Variants in MCM4 observed in about 807,000 individuals in gnomAD.
The protein encoded by MCM4 is DNA replication licensing factor MCM4.
In MCM4, 60 loss-of-function variants were observed where a neutral mutation model predicts 88.7. That is an observed-to-expected ratio of 0.68 (90% CI 0.55 to 0.84). The LOEUF is 0.84. Among genes scored for constraint, MCM4 ranks in the 40% least tolerant of loss-of-function variants. The pLI is 0.00. For synonymous variants in MCM4, 465 were observed against 410.5 expected (o/e 1.13, Z -1.61); for missense variants, 1,149 against 1,105.5 (o/e 1.04, Z -0.56).
In MCM4 at chr8:47,977,450, C is replaced by CATTTG; in HGVS notation, c.*674_*675insTTGAT. ...GTATGCTTATGGATTTGATGACAGG[C>CATTTG]ATAGCCTGGGCATATCACCTCATTG... is the stretch of plus-strand genomic sequence containing the variant. On this transcript the variant is annotated 3_prime_UTR_variant, in exon 17 of 17. Coordinates refer to ENST00000649973, the MANE Select transcript of MCM4 (RefSeq NM_182746.3). 1 of 152,340 alleles carries CATTTG rather than the reference C, an allele frequency of 6.6e-6. No homozygotes were observed. Among genetic ancestry groups the CATTTG allele is most frequent in the Admixed American group, 6.5e-5 (1 of 15,276 alleles). The allele number at this position is 152,340 out of a possible 1,614,324, so 9.4% of individuals were successfully genotyped here. A position where few individuals can be genotyped will look rare whatever the true frequency, so the allele number is the denominator to read the frequency against.
chr8:47,963,141 C>T (rs1470669521), intron 7 of MCM4, 101 bp downstream of exon 7: 9 of 700,260 alleles, frequency 1.3e-5, no homozygotes, highest in Non-Finnish European at 1.9e-5. Context: ...TATGCGCAAA[C>T]ACTTTAAGAA....
At position 47,964,655 on chromosome 8, in the gene MCM4, C is replaced by A; in HGVS notation, c.775C>A (p.Gln259Lys). ...TGACTCAATCTTAGAACATCAGATT[C>A]AAGTAAGACCATTCAACGCATTGAA... ...YPDSILEHQI[Q>K]VRPFNALKTK... is the part of the protein sequence containing the mutation. Residue 259 changes from glutamine (Q) to lysine (K), a missense_variant, in exon 8 of 17, where the codon CAA (glutamine) becomes AAA (lysine). By Grantham distance (53) the Gln-to-Lys change is moderately conservative. This residue lies in a region of MCM4 where 906 missense variants were observed against 843.0 expected (regional missense o/e 1.07). Coordinates refer to ENST00000649973, the MANE Select transcript of MCM4 (RefSeq NM_182746.3). 6.2e-7 allele frequency: 1 copy of A among 1,605,760 alleles called. No homozygotes were observed. The highest frequency in any genetic ancestry group is 8.5e-7 in the Non-Finnish European group (1 of 1,177,470).
rs1399024384 is a variant in MCM4 at position 47,962,963 on chromosome 8, C to T, written c.616C>T (p.Pro206Ser). 5 of 1,601,996 alleles carry T rather than the reference C, an allele frequency of 3.1e-6. No homozygotes were observed. The African/African-American group carries it at 4.0e-5, about 13-fold the overall frequency. ...TTTCTAGATTAATGTTATTGGTGAG[C>T]CATTTTTAAATGTGAACTGTGAACA... is the stretch of plus-strand genomic sequence containing the variant. ...RLGEINVIGE[P>S]FLNVNCEHIK... Residue 206 changes from proline (P) to serine (S), a missense_variant, in exon 7 of 17, where the codon CCA (proline) becomes TCA (serine). By Grantham distance (74) the Pro-to-Ser change is moderately conservative. Around this residue, in one of 3 missense-constraint regions of MCM4, gnomAD observed 906 missense variants for 843.0 expected, o/e 1.07. Transcript: ENST00000649973.
chr8:47,962,227 A>C lies in MCM4; in HGVS notation c.399+11A>C, dbSNP rs755474046. On this transcript the variant is annotated intron_variant, in intron 4 of 16. Transcript: ENST00000649973. ...CTGCAGTCTGACGGGGTGAGTATGC[A>C]GTCTCCTGAAACCATCTTATGGCGG... 6.8e-6 allele frequency: 11 copies of C among 1,614,174 alleles called. No homozygotes were observed. The highest frequency in any genetic ancestry group is 1.6e-4 in the Middle Eastern group (1 of 6,062).
At position 47,978,010 on chromosome 8, in the gene MCM4, A is replaced by G. The variant is rs2091015916; in HGVS notation, c.*1232A>G. 2 of 152,210 alleles carry G rather than the reference A, an allele frequency of 1.3e-5. No individual in the cohort carries two copies. The highest frequency in any genetic ancestry group is 4.8e-5 in the African/African-American group (2 of 41,456). 9.4% of individuals were successfully genotyped at this position (152,210 alleles called of 1,614,324 possible). ...TTTATGGAAATTTGTAGGGGTAAGT[A>G]TTTTATAGGTCATAAAAAACACCAT... On this transcript the variant is annotated 3_prime_UTR_variant, in exon 17 of 17. Coordinates refer to ENST00000649973, the MANE Select transcript of MCM4 (RefSeq NM_182746.3).
intron 14 of MCM4, 26 bp from the exon 15 acceptor site, chr8:47,974,708 T>C (rs754382936): frequency 6.3e-7 from 1 of 1,590,270 alleles, no homozygotes; most frequent in Non-Finnish European, 8.6e-7. Context: ...GGTTTGCTTT[T>C]GCTTTTGTTT....
chr8:47,961,130 G>T lies in MCM4; in HGVS notation c.-14-1G>T, dbSNP rs760934199. The T allele has an allele frequency of 1.9e-6, 3 of 1,551,660 alleles. No individual in the cohort carries two copies. The highest frequency in any genetic ancestry group is 2.6e-6 in the Non-Finnish European group (3 of 1,158,830). The stretch of plus-strand genomic sequence containing the variant: ...GGCCCGAGCTTGTCCTTGTCGCGCA[G>T]GTACTCCGAGCACTATGTCGTCCCC... On this transcript the variant is annotated splice_acceptor_variant, in intron 1 of 16. Coordinates refer to ENST00000649973, the MANE Select transcript of MCM4 (RefSeq NM_182746.3). LOFTEE classifies it low-confidence loss of function (5UTR_SPLICE).
chr8:47,964,840 G>A, intron 8 of MCM4, 128 bp downstream of exon 8: 1 of 726,474 alleles, frequency 1.4e-6, no homozygotes, highest in Non-Finnish European at 2.2e-6. Context: ...ATTATAAATT[G>A]ACAATAATAT....
Position 47,971,270 on chromosome 8 carries a change from C to G in MCM4, c.1801-71C>G, listed in dbSNP as rs541647308. The G allele has an allele frequency of 6.0e-5, 95 of 1,582,904 alleles. No homozygotes were observed. In the South Asian group the frequency reaches 1.0e-3, roughly 17 times the overall value. On this transcript the variant is annotated intron_variant, in intron 12 of 16. Transcript: ENST00000649973. ...AGGGAATATGGGTTTAGTAGGTGGC[C>G]GGGCGAAGACGGTGCTTGTTAATTG...
chr8:47,966,891 T>A (rs1020536335), intron 9 of MCM4, among the ~76,000 whole-genome samples: 2 of 152,238 alleles, frequency 1.3e-5, no homozygotes, highest in Non-Finnish European at 2.9e-5. Context: ...ACTGTAAAGA[T>A]GTGGGAGGAC....
intron 1 of MCM4, 45 bp downstream of exon 1, chr8:47,961,059 A>G: frequency 7.2e-7 from 1 of 1,387,246 alleles, no homozygotes; most frequent in Non-Finnish European, 9.5e-7. Flanking sequence ...AGCCGACGGG[A>G]ACGTCCGCGC....
intron 12 of MCM4, 56 bp downstream of exon 12, chr8:47,970,932 A>G: frequency 5.2e-6 from 8 of 1,526,702 alleles, no homozygotes; most frequent in Non-Finnish European, 7.0e-6. Flanking sequence ...TGGACCCTTG[A>G]AAGACAGGGT....
At chr8:47,961,110 G>A in intron 1 of MCM4, 21 bp from the exon 2 acceptor site, 4 of 1,534,812 alleles carry the variant, frequency 2.6e-6, no homozygotes, top group Non-Finnish European at 2.6e-6. Flanking sequence ...GGCCCGGCCC[G>A]AGCTTGTCCT....
chr8:47,969,105 A>C (rs2090927452), intron 10 of MCM4: 1 of 152,452 alleles, frequency 6.6e-6, no homozygotes, highest in Admixed American at 6.5e-5. Context: ...TTTCACCCTC[A>C]GGGTGACTGT....
chr8:47,973,494 C>CTT (rs1241184472), intron 14 of MCM4, among the ~76,000 whole-genome samples: 5 of 141,888 alleles, frequency 3.5e-5, no homozygotes, highest in East Asian at 2.1e-4. Context: ...ATAAACTTTT[C>CTT]TTTTTTTTTT....
rs1298515030 is a variant in MCM4 at position 47,973,073 on chromosome 8, G to A, written c.2136+9G>A. The A allele has an allele frequency of 2.5e-6, 4 of 1,609,966 alleles. No homozygotes were observed. Among genetic ancestry groups the A allele is most frequent in the Non-Finnish European group, 3.4e-6 (4 of 1,178,930 alleles). On this transcript the variant is annotated intron_variant, in intron 14 of 16. Coordinates refer to ENST00000649973, the MANE Select transcript of MCM4 (RefSeq NM_182746.3). ...GCCAGGCTCTCATCGAGGTAACCCT[G>A]CTGAAAAAAGGCTTACTGTGCCTGT...
chr8:47,972,254 A>C, intron 13 of MCM4, among the ~76,000 whole-genome samples: 1 of 151,854 alleles, frequency 6.6e-6, no homozygotes, highest in Non-Finnish European at 1.5e-5. Flanking sequence ...AAAAAAAAAA[A>C]AAACTTTCCA....
rs1283586424 is a variant in MCM4, at chr8:47,961,590, C to A, written c.145C>A (p.Gln49Lys). ...GEDSTSTGEL[Q>K]PMPTSPGVDL... ...GGATTCCACCTCCACGGGGGAGTTG[C>A]AGCCGATGCCAACCTCGCCTGGAGT... The change falls in exon 3 of 17, where the codon CAG becomes AAG. Residue 49 changes from glutamine (Q) to lysine (K), a missense_variant. Around this residue, in one of 3 missense-constraint regions of MCM4, gnomAD observed 906 missense variants for 843.0 expected, o/e 1.07. Transcript: ENST00000649973. 10 of 1,614,036 alleles carry A rather than the reference C, an allele frequency of 6.2e-6. No homozygotes were observed. The African/African-American group carries it at 1.1e-4, about 17-fold the overall frequency.
At position 47,960,974 on chromosome 8, in the gene MCM4, G is replaced by A. The variant is rs1036773435; in HGVS notation, c.-55G>A. ...GGAGCGCTACTCGCCAGGTGGACTC[G>A]GAGTCCGCGAGCGTCGTCGGCAAGC... On this transcript the variant is annotated 5_prime_UTR_variant, in exon 1 of 17. Transcript: ENST00000649973. The A allele has an allele frequency of 3.2e-6, 2 of 631,398 alleles. No individual in the cohort carries two copies. The highest frequency in any genetic ancestry group is 3.6e-5 in the East Asian group (1 of 28,160). 39.1% of individuals were successfully genotyped at this position (631,398 alleles called of 1,614,324 possible).
Sources: allele counts gnomAD v4.1 joint callset (sites outside exome capture counted in the v4.1 genomes callset), GRCh38; gene constraint gnomAD v4.1.1; regional missense constraint gnomAD v4.1.1; transcripts MANE v1.5; gene names NCBI Gene and HGNC (gene_info 2026-07-23, HGNC 2026-07-21).